Variants in SLC16A7 observed in about 807,000 individuals in gnomAD.
The protein encoded by SLC16A7 is monocarboxylate transporter 2.
In SLC16A7, 33 loss-of-function variants were observed where a neutral mutation model predicts 34.9. That is an observed-to-expected ratio of 0.94 (90% CI 0.72 to 1.26). The LOEUF is 1.26. SLC16A7 is among the 50% of genes most tolerant of loss of function. The pLI is 0.00. For synonymous variants in SLC16A7, 201 were observed against 206.6 expected, an observed-to-expected ratio of 0.97 and a Z score of 0.23; for missense variants, 573 against 578.1, an observed-to-expected ratio of 0.99 and a Z score of 0.09.
In SLC16A7 at chr12:59,780,686, C is replaced by G. The variant is rs1883183649; in HGVS notation, c.*1007C>G. On this transcript the variant is annotated 3_prime_UTR_variant, in exon 6 of 6. Coordinates refer to ENST00000547379, the MANE Select transcript of SLC16A7 (RefSeq NM_001270623.2). The stretch of plus-strand genomic sequence containing the variant: ...TATACTGAAATATCAAAGTAAAATC[C>G]TAGTTGGCAGGATTGTAAGTAGACC... 6.6e-6 allele frequency: 1 copy of G among 152,016 alleles called. No individual in the cohort carries two copies. The highest frequency in any genetic ancestry group is 1.5e-5 in the Non-Finnish European group (1 of 67,984). The allele number at this position is 152,016 out of a possible 1,614,324, so 9.4% of individuals were successfully genotyped here. A position where few individuals can be genotyped will look rare whatever the true frequency, so the allele number is the denominator to read the frequency against.
At chr12:59,598,139 TTCA>T (rs1455778555) in intron 1 of SLC16A7, among the ~76,000 whole-genome samples, 1 of 152,228 alleles carries the variant, frequency 6.6e-6, no homozygotes, top group African/African-American at 2.4e-5. Context: ...TAATTCTGTA[TTCA>T]TCCACCAAAC....
chr12:59,694,562 G>A (rs1872058784), intron 2 of SLC16A7, among the ~76,000 whole-genome samples: 1 of 151,686 alleles, frequency 6.6e-6, no homozygotes, highest in African/African-American at 2.4e-5. Flanking sequence ...CATTCCACAT[G>A]GTTTAAGTGT....
intron 1 of SLC16A7, among the ~76,000 whole-genome samples, chr12:59,646,693 C>G (rs1868254489): frequency 6.6e-6 from 1 of 152,158 alleles, no homozygotes; most frequent in Non-Finnish European, 1.5e-5. Flanking sequence ...GATCCACCAA[C>G]AGCTTGCATT....
Position 59,649,951 on chromosome 12 carries a change from C to G in SLC16A7, c.-129-5201C>G, listed in dbSNP as rs143064880. Among the ~76,000 whole-genome samples the G allele has an allele frequency of 7.4e-3, 1,123 of 151,720 alleles. 9 individuals carry two copies. Among genetic ancestry groups the G allele is most frequent in the Middle Eastern group, 0.031 (9 of 294 alleles). On this transcript the variant is annotated intron_variant, in intron 1 of 5. Coordinates refer to ENST00000547379, the MANE Select transcript of SLC16A7 (RefSeq NM_001270623.2). ...CCTATAAGAGTGGAACTCCATCCCC[C>G]CTCCCCACCAAAAAAAAAGTTCTAA...
chr12:59,634,698 G>A (rs1465352832), intron 1 of SLC16A7, among the ~76,000 whole-genome samples: 1 of 151,998 alleles, frequency 6.6e-6, no homozygotes, highest in Non-Finnish European at 1.5e-5. Flanking sequence ...TGCTAAAACT[G>A]GATTTTATAA....
chr12:59,688,477 T>G (rs1277938988), intron 2 of SLC16A7, among the ~76,000 whole-genome samples: 2 of 152,102 alleles, frequency 1.3e-5, no homozygotes, highest in Non-Finnish European at 2.9e-5. Context: ...TTTCATTGCC[T>G]GCCAAATGAA....
chr12:59,686,487 C>T (rs1314243840), intron 2 of SLC16A7, among the ~76,000 whole-genome samples: 1 of 151,822 alleles, frequency 6.6e-6, no homozygotes, highest in Non-Finnish European at 1.5e-5. Flanking sequence ...AAGCAAGTTA[C>T]TGGATATTGA....
chr12:59,656,441 G>A (rs1210057244), intron 2 of SLC16A7, among the ~76,000 whole-genome samples: 6 of 151,942 alleles, frequency 3.9e-5, no homozygotes, highest in Non-Finnish European at 7.4e-5. Context: ...ACAGTTTGTT[G>A]ATGTAGGAAT....
At chr12:59,629,396 T>G (rs1402012527) in intron 1 of SLC16A7, among the ~76,000 whole-genome samples, 1 of 151,964 alleles carries the variant, frequency 6.6e-6, no homozygotes, top group Non-Finnish European at 1.5e-5. Context: ...ATAATTATAA[T>G]AAAATCTTCT....
chr12:59,646,120 T>G (rs935504485), intron 1 of SLC16A7, among the ~76,000 whole-genome samples: 1 of 152,066 alleles, frequency 6.6e-6, no homozygotes, highest in Admixed American at 6.5e-5. Context: ...GGGGAGAAAT[T>G]CAAGCTTGCT....
rs908929628 is a variant in SLC16A7 at position 59,782,199 on chromosome 12, A to G, written c.*2520A>G. 2 of 152,224 alleles carry G rather than the reference A, an allele frequency of 1.3e-5. No individual in the cohort carries two copies. The highest frequency in any genetic ancestry group is 2.4e-5 in the African/African-American group (1 of 41,464). 9.4% of individuals were successfully genotyped at this position (152,224 alleles called of 1,614,324 possible). A position where few individuals can be genotyped will look rare whatever the true frequency, so the allele number is the denominator to read the frequency against. On this transcript the variant is annotated 3_prime_UTR_variant, in exon 6 of 6. Coordinates refer to ENST00000547379, the MANE Select transcript of SLC16A7 (RefSeq NM_001270623.2). ...TATGCACACACGTTAACTGCTATGCATAAATATTGACAGTTAAACCAGAAC... is the reference window on the plus strand; with the variant it reads ...TATGCACACACGTTAACTGCTATGCGTAAATATTGACAGTTAAACCAGAAC...
intron 1 of SLC16A7, among the ~76,000 whole-genome samples, chr12:59,633,209 T>C (rs1880262890): frequency 6.6e-6 from 1 of 152,066 alleles, no homozygotes. Flanking sequence ...GTACTATTTG[T>C]ATTTGCTAAT....
intron 3 of SLC16A7, among the ~76,000 whole-genome samples, chr12:59,723,791 A>G (rs1359820215): frequency 6.6e-6 from 1 of 151,850 alleles, no homozygotes; most frequent in Non-Finnish European, 1.5e-5. Flanking sequence ...TCCTTCAGCT[A>G]TTTTCTATTA....
chr12:59,708,860 A>C (rs1242747444), intron 3 of SLC16A7, among the ~76,000 whole-genome samples: 1 of 151,654 alleles, frequency 6.6e-6, no homozygotes, highest in Non-Finnish European at 1.5e-5. Context: ...AAGAATGCAA[A>C]TTATGTTTAT....
rs531372980 is a variant in SLC16A7, at chr12:59,788,963, C to T, written c.*9284C>T. On this transcript the variant is annotated 3_prime_UTR_variant, in exon 6 of 6. Transcript: ENST00000547379. ...CAGGTATACTACAGCGTTATATGAA[C>T]ATAATGTTTTAAAAAAATCTTGGTT... The T allele has an allele frequency of 2.0e-5, 3 of 152,116 alleles. No homozygotes were observed. The highest frequency in any genetic ancestry group is 2.9e-5 in the Non-Finnish European group (2 of 67,934). 9.4% of individuals were successfully genotyped at this position (152,116 alleles called of 1,614,324 possible). A position where few individuals can be genotyped will look rare whatever the true frequency, so the allele number is the denominator to read the frequency against.
chr12:59,763,437 T>A (rs1881226581), intron 3 of SLC16A7, among the ~76,000 whole-genome samples: 1 of 152,074 alleles, frequency 6.6e-6, no homozygotes, highest in Non-Finnish European at 1.5e-5. Context: ...GAATCTTCCC[T>A]CAATATTGTG....
chr12:59,603,833 A>G (rs1878804493), intron 1 of SLC16A7, among the ~76,000 whole-genome samples: 1 of 152,186 alleles, frequency 6.6e-6, no homozygotes. Flanking sequence ...CATTATGTTC[A>G]ATAAACCACC....
intron 2 of SLC16A7, among the ~76,000 whole-genome samples, chr12:59,655,573 CTATTTT>C (rs1023783678): frequency 1.3e-5 from 2 of 151,620 alleles, no homozygotes; most frequent in African/African-American, 4.8e-5. Context: ...GAATTATATT[CTATTTT>C]TATTACTAGC....
At chr12:59,637,406 C>T (rs1164590975) in intron 1 of SLC16A7, among the ~76,000 whole-genome samples, 2 of 150,412 alleles carry the variant, frequency 1.3e-5, no homozygotes, top group African/African-American at 2.4e-5. Context: ...ATTTTCACCT[C>T]GGTCTCGTTG....
Sources: gnomAD v4.1 joint callset for allele counts (sites outside exome capture counted in the v4.1 genomes callset) on GRCh38, gnomAD v4.1.1 for gene constraint, MANE v1.5 for transcripts, NCBI Gene and HGNC (gene_info 2026-07-23, HGNC 2026-07-21) for gene names.